MAP2K2: variants seen among roughly 807,000 people sequenced by gnomAD.
The protein encoded by MAP2K2 is dual specificity mitogen-activated protein kinase kinase 2.
MAP2K2 carries 24 observed loss-of-function variants against 43.7 expected under a neutral mutation model. That is an observed-to-expected ratio of 0.55 (90% confidence interval 0.40 to 0.77). The LOEUF (loss-of-function observed/expected upper bound fraction) is 0.77. Ranked by LOEUF, MAP2K2 falls within the 30% of genes least tolerant of loss-of-function variation. The pLI, the probability that MAP2K2 is intolerant of heterozygous loss-of-function variation, is 0.00. For synonymous variants in MAP2K2, 244 were observed against 239.7 expected (o/e 1.02, Z -0.17); for missense variants, 470 against 566.8 (o/e 0.83, Z 1.73).
chr19:4,092,834 G>A (rs187876343), intron 10 of MAP2K2, among the ~76,000 whole-genome samples: 2 of 152,288 alleles, frequency 1.3e-5, no homozygotes, highest in East Asian at 3.9e-4. Context: ...CCCTCTGGGA[G>A]GCCAAGGTGG....
intron 3 of MAP2K2, among the ~76,000 whole-genome samples, chr19:4,106,494 C>T (rs144567614): frequency 0.015 from 2,327 of 152,298 alleles, 54 homozygotes; most frequent in African/African-American, 0.054. Context: ...CTGCAACCTC[C>T]GCCTCCCGGG....
At chr19:4,102,912 G>A (rs2041035269) in intron 3 of MAP2K2, 3 of 1,152,508 alleles carry the variant, frequency 2.6e-6, no homozygotes, top group Non-Finnish European at 3.3e-6. Context: ...GGAAGGGGAG[G>A]GTGAGGGCGC....
Position 4,090,536 on chromosome 19 carries a change from G to C in MAP2K2, c.*62C>G. On this transcript the variant is annotated 3_prime_UTR_variant, in exon 11 of 11. Coordinates refer to ENST00000262948, the MANE Select transcript of MAP2K2 (RefSeq NM_030662.4). ...GCGCCAGCCTGTCCTCAGCTGGAAGGGCGGGGCATGGACAGGGACGGTGGG... is the reference window on the plus strand; with the variant it reads ...GCGCCAGCCTGTCCTCAGCTGGAAGCGCGGGGCATGGACAGGGACGGTGGG... 10 of 1,363,276 alleles carry C rather than the reference G, an allele frequency of 7.3e-6. No homozygotes were observed. Among genetic ancestry groups the C allele is most frequent in the Non-Finnish European group, 1.0e-5 (10 of 978,384 alleles). 84.4% of individuals were successfully genotyped at this position (1,363,276 alleles called of 1,614,324 possible).
Position 4,099,213 on chromosome 19 carries a change from GC to G in MAP2K2, c.906del (p.Arg303AlafsTer24). On this transcript the variant is annotated frameshift_variant, in exon 7 of 11. Transcript: ENST00000262948. LOFTEE classifies it high-confidence loss of function. ...HSISPRPRPP[G>X]RPVSGHGMDS... is the part of the protein sequence containing the mutation. ...ATTCAGGCCGTACCGCTGACGGGGC[GC>G]CCGGGGGGCCTCGGCCGAGGCGAGA... is the stretch of plus-strand genomic sequence containing the variant. 2 of 1,602,716 alleles carry G rather than the reference GC, an allele frequency of 1.2e-6. No individual in the cohort carries two copies. Among genetic ancestry groups the G allele is most frequent in the Non-Finnish European group, 1.7e-6 (2 of 1,175,558 alleles).
At chr19:4,099,176 C>A (rs557124061) in intron 7 of MAP2K2, 25 bp downstream of exon 7, 3 of 1,581,280 alleles carry the variant, frequency 1.9e-6, no homozygotes, top group Non-Finnish European at 2.6e-6. Flanking sequence ...GCGTCCAGAC[C>A]GGAAGTTGCA....
chr19:4,112,641 C>T (rs556005699), intron 2 of MAP2K2, among the ~76,000 whole-genome samples: 1 of 148,828 alleles, frequency 6.7e-6, no homozygotes, highest in African/African-American at 2.6e-5. Flanking sequence ...ACCTTGACCG[C>T]AGCCCTGGCG....
In MAP2K2 at chr19:4,102,423, C is replaced by T. The variant is rs1009458252; in HGVS notation, c.481G>A (p.Glu161Lys). The change falls in exon 4 of 11, where the codon GAG becomes AAG. Residue 161 changes from glutamate to lysine, a missense_variant. Physicochemically the swap from Glu to Lys is moderately conservative, Grantham distance 56. Transcript: ENST00000262948. ...ATCTCCTCGGGAATCCTCTTGGCCTCTTTCAGCACCTGGTCCAGGGAGCCG... is the reference window on the plus strand; with the variant it reads ...ATCTCCTCGGGAATCCTCTTGGCCTTTTTCAGCACCTGGTCCAGGGAGCCG... ...DGGSLDQVLK[E>K]AKRIPEEILG... The T allele has an allele frequency of 6.2e-7, 1 of 1,606,512 alleles. No individual in the cohort carries two copies. Among genetic ancestry groups the T allele is most frequent in the South Asian group, 1.1e-5 (1 of 89,502 alleles).
intron 2 of MAP2K2, among the ~76,000 whole-genome samples, chr19:4,111,231 T>A (rs2041150298): frequency 6.6e-6 from 1 of 152,140 alleles, no homozygotes; most frequent in South Asian, 2.1e-4. Context: ...GCCGTGAATA[T>A]CCTACAATCC....
intron 3 of MAP2K2, among the ~76,000 whole-genome samples, chr19:4,107,696 G>A (rs1360760068): frequency 6.6e-6 from 1 of 151,912 alleles, no homozygotes; most frequent in African/African-American, 2.4e-5. Flanking sequence ...GACAGAGAGA[G>A]ACCTTGTACC....
chr19:4,094,680 C>A (rs1466934725), intron 9 of MAP2K2, 182 bp from the exon 10 acceptor site: 7 of 627,976 alleles, frequency 1.1e-5, no homozygotes, highest in Non-Finnish European at 2.0e-5. Context: ...GAGGGATCCA[C>A]CTCTGCACTT....
intron 6 of MAP2K2, 116 bp from the exon 7 acceptor site, chr19:4,099,530 T>A (rs1446782132): frequency 1.2e-6 from 1 of 822,554 alleles, no homozygotes; most frequent in Admixed American, 2.2e-5. Flanking sequence ...ACCGCAGCAA[T>A]GGATAGAGAG....
rs138469122 is a variant in MAP2K2, at chr19:4,110,782, C to T, written c.304-127G>A. On this transcript the variant is annotated intron_variant, in intron 2 of 10. Transcript: ENST00000262948. ...CCAACTCAGTACCCCCTCCGCAATT[C>T]CACCCCTAGGTGTCTGCCTAGAAGT... The T allele has an allele frequency of 2.3e-3, 2,302 of 979,734 alleles. 46 individuals are homozygous for T. The African/African-American group carries it at 0.033, about 14-fold the overall frequency. The allele number at this position is 979,734 out of a possible 1,614,324, so 60.7% of individuals were successfully genotyped here. A position where few individuals can be genotyped will look rare whatever the true frequency, so the allele number is the denominator to read the frequency against.
rs377173039 is a variant in MAP2K2, at chr19:4,115,434, T to A, written c.303+1985A>T. Among the ~76,000 whole-genome samples, 41 of 152,284 alleles carry A rather than the reference T, an allele frequency of 2.7e-4. No homozygotes were observed. In the South Asian group the frequency reaches 5.2e-3, roughly 19 times the overall value. On this transcript the variant is annotated intron_variant, in intron 2 of 10. Transcript: ENST00000262948. This position sits in a 1 kb window ranked among gnomAD's most constrained non-coding sequence, Gnocchi z 4.1. Reference sequence around the variant, plus strand: ...ACCACTGGAGGCTCCCCCAGAAGCCTGAGGGTCCCTGGCACACACGAGGAC... The same window carrying A: ...ACCACTGGAGGCTCCCCCAGAAGCCAGAGGGTCCCTGGCACACACGAGGAC...
chr19:4,118,261 G>A (rs756052214), intron 1 of MAP2K2, among the ~76,000 whole-genome samples: 2 of 152,218 alleles, frequency 1.3e-5, no homozygotes, highest in East Asian at 1.9e-4. Flanking sequence ...CCTAACGCAC[G>A]AGCTCCGGAC....
chr19:4,113,850 G>GC (rs2041186488), intron 2 of MAP2K2, among the ~76,000 whole-genome samples: 2 of 152,052 alleles, frequency 1.3e-5, no homozygotes, highest in African/African-American at 4.8e-5. Flanking sequence ...GGACCGAGCC[G>GC]CCCCCCGGCC....
chr19:4,122,788 G>A (rs2041317887), intron 1 of MAP2K2, among the ~76,000 whole-genome samples: 1 of 150,304 alleles, frequency 6.7e-6, no homozygotes, highest in Non-Finnish European at 1.5e-5. Context: ...ACTACTCAGA[G>A]ACCTACCACC....
intron 2 of MAP2K2, among the ~76,000 whole-genome samples, chr19:4,114,856 T>G (rs573648419): frequency 8.5e-4 from 130 of 152,172 alleles, no homozygotes; most frequent in Admixed American, 1.4e-3. Flanking sequence ...CTTGAACCTG[T>G]GAGGTGGAGG....
chr19:4,100,930 G>A (rs2145053289), intron 6 of MAP2K2, 89 bp downstream of exon 6: 1 of 1,460,914 alleles, frequency 6.8e-7, no homozygotes, highest in Non-Finnish European at 9.3e-7. Context: ...AGAGCTGAGG[G>A]GGAGAGCTGG....
Position 4,102,401 on chromosome 19 carries a change from T to A in MAP2K2, c.503A>T (p.Glu168Val). 1.9e-6 allele frequency: 3 copies of A among 1,605,236 alleles called. No individual in the cohort carries two copies. The highest frequency in any genetic ancestry group is 2.5e-6 in the Non-Finnish European group (3 of 1,176,876). Residue 168 changes from glutamate to valine, a missense_variant, in exon 4 of 11, where the codon GAG (glutamate) becomes GTG (valine). Glu to Val is a moderately radical substitution (Grantham distance 121). Around this residue, in one of 3 missense-constraint regions of MAP2K2, gnomAD observed 200 missense variants for 297.9 expected, o/e 0.67. Coordinates refer to ENST00000262948, the MANE Select transcript of MAP2K2 (RefSeq NM_030662.4). Reference sequence around the variant, plus strand: ...CGCGATGCTGACTTTCCCCAGGATCTCCTCGGGAATCCTCTTGGCCTCTTT... The same window carrying A: ...CGCGATGCTGACTTTCCCCAGGATCACCTCGGGAATCCTCTTGGCCTCTTT... The part of the protein sequence containing the change: ...VLKEAKRIPE[E>V]ILGKVSIAVL...
Sources: allele counts gnomAD v4.1 joint callset (sites outside exome capture counted in the v4.1 genomes callset), GRCh38; gene constraint gnomAD v4.1.1; regional missense constraint gnomAD v4.1.1; non-coding constraint Gnocchi (gnomAD v3.1); transcripts MANE v1.5; gene names NCBI Gene and HGNC (gene_info 2026-07-23, HGNC 2026-07-21).